RBMS3: variants seen among roughly 807,000 people sequenced by gnomAD.
RBMS3 encodes the protein RNA-binding motif, single-stranded-interacting protein 3.
Under a neutral mutation model 66.8 loss-of-function variants are expected in RBMS3, and 27 were observed. That is an observed-to-expected ratio of 0.40 (90% confidence interval 0.30 to 0.56). The LOEUF is 0.56. RBMS3 is among the 20% of genes least tolerant of loss of function. The pLI, the probability that RBMS3 is intolerant of heterozygous loss-of-function variation, is 0.40. For missense variants in RBMS3, 513 were observed against 549.5 expected (o/e 0.93, Z 0.66); for synonymous variants, 188 against 183.0 (o/e 1.03, Z -0.22).
chr3:29,871,777 T>TA (rs1195250941), intron 7 of RBMS3, among the ~76,000 whole-genome samples: 2 of 152,150 alleles, frequency 1.3e-5, no homozygotes, highest in Non-Finnish European at 1.5e-5. Context: ...AGATTACAAG[T>TA]ATTTTAGAAG....
At chr3:29,537,044 TG>T (rs1317937474) in intron 3 of RBMS3, among the ~76,000 whole-genome samples, 1 of 152,224 alleles carries the variant, frequency 6.6e-6, no homozygotes, top group African/African-American at 2.4e-5. Flanking sequence ...TTTCTTGAAA[TG>T]ATGGAAAATG....
chr3:29,308,146 T>C (rs796270803), intron 1 of RBMS3, among the ~76,000 whole-genome samples: 1 of 151,900 alleles, frequency 6.6e-6, no homozygotes, highest in African/African-American at 2.4e-5. Flanking sequence ...TTGTCAGCAG[T>C]ATGTTTTGCA....
At chr3:29,385,839 C>T (rs1019858150) in intron 1 of RBMS3, among the ~76,000 whole-genome samples, 2 of 152,144 alleles carry the variant, frequency 1.3e-5, no homozygotes, top group African/African-American at 2.4e-5. Flanking sequence ...ACTTTTGGGT[C>T]GTTTGTTCCT....
intron 6 of RBMS3, among the ~76,000 whole-genome samples, chr3:29,805,907 A>G (rs1281588021): frequency 6.6e-6 from 1 of 152,026 alleles, no homozygotes. Flanking sequence ...ACATTCACTC[A>G]CCACGCACTC....
At position 29,514,749 on chromosome 3, in the gene RBMS3, A is replaced by G. The variant is rs192162823; in HGVS notation, c.307+26250A>G. ...ATAAGCATATATATATGATAGGCAT[A>G]TATATATAAGCATATATACGATAGG... On this transcript the variant is annotated intron_variant, in intron 3 of 14. Transcript: ENST00000383767. 4.5e-3 allele frequency among the ~76,000 whole-genome samples: 661 copies of G among 147,672 alleles called. 8 individuals are homozygous for G. Among genetic ancestry groups the G allele is most frequent in the African/African-American group, 0.016 (641 of 39,966 alleles).
chr3:29,774,184 A>G (rs1004664580), intron 6 of RBMS3, among the ~76,000 whole-genome samples: 1 of 152,100 alleles, frequency 6.6e-6, no homozygotes, highest in African/African-American at 2.4e-5. Context: ...GGAGGTTTCA[A>G]AAGTGAATAT....
intron 5 of RBMS3, among the ~76,000 whole-genome samples, chr3:29,760,727 A>C (rs2055642292): frequency 6.6e-6 from 1 of 152,080 alleles, no homozygotes; most frequent in Non-Finnish European, 1.5e-5. Context: ...GGAAACTTGA[A>C]AGAGTTAGGA....
At chr3:29,997,450 G>T (rs903407618) in intron 14 of RBMS3, among the ~76,000 whole-genome samples, 10 of 148,948 alleles carry the variant, frequency 6.7e-5, no homozygotes. Flanking sequence ...CCAAAGCCGG[G>T]CAGAGACACA....
intron 4 of RBMS3, among the ~76,000 whole-genome samples, chr3:29,651,810 A>C (rs2050153814): frequency 6.6e-6 from 1 of 152,182 alleles, no homozygotes; most frequent in Non-Finnish European, 1.5e-5. Context: ...TAGCTTTGCA[A>C]GATCTCATCC....
chr3:29,322,750 A>G (rs1013377940), intron 1 of RBMS3, among the ~76,000 whole-genome samples: 3 of 152,078 alleles, frequency 2.0e-5, no homozygotes, highest in Admixed American at 1.3e-4. Flanking sequence ...CATGGGCTTT[A>G]GAAGGTATTT....
chr3:29,621,247 C>A (rs1448349677), intron 4 of RBMS3, among the ~76,000 whole-genome samples: 1 of 151,408 alleles, frequency 6.6e-6, no homozygotes, highest in Non-Finnish European at 1.5e-5. Context: ...TATTTAAATG[C>A]AACTGATATA....
At chr3:29,778,706 G>T (rs1181821995) in intron 6 of RBMS3, among the ~76,000 whole-genome samples, 1 of 151,678 alleles carries the variant, frequency 6.6e-6, no homozygotes, top group Non-Finnish European at 1.5e-5. Context: ...TAACCCCTTT[G>T]TTCCTCAATT....
intron 3 of RBMS3, among the ~76,000 whole-genome samples, chr3:29,569,506 A>G (rs2149064016): frequency 6.6e-6 from 1 of 152,320 alleles, no homozygotes; most frequent in South Asian, 2.1e-4. Context: ...AACTTTTGAT[A>G]TCCTTTTTGA....
chr3:29,352,380 G>T (rs1413585454), intron 1 of RBMS3, among the ~76,000 whole-genome samples: 2 of 151,784 alleles, frequency 1.3e-5, no homozygotes, highest in South Asian at 4.1e-4. Flanking sequence ...AATATTTTAT[G>T]GTATGTGGTT....
intron 2 of RBMS3, among the ~76,000 whole-genome samples, chr3:29,452,919 ATT>A (rs764326804): frequency 2.0e-5 from 3 of 152,176 alleles, no homozygotes; most frequent in Non-Finnish European, 4.4e-5. Flanking sequence ...TTGAATATAC[ATT>A]TTTCAGGGTC....
intron 1 of RBMS3, among the ~76,000 whole-genome samples, chr3:29,421,551 CAGTT>C: frequency 6.6e-6 from 1 of 152,262 alleles, no homozygotes; most frequent in African/African-American, 2.4e-5. Flanking sequence ...TTTCCACTGA[CAGTT>C]AAATATGTCT....
At chr3:29,308,757 A>AAC (rs1553630891) in intron 1 of RBMS3, among the ~76,000 whole-genome samples, 105 of 6,390 alleles carry the variant, frequency 0.016, no homozygotes, top group Non-Finnish European at 0.045. Flanking sequence ...AAAAAAAAAC[A>AAC]AAAAAAAAAA....
At chr3:29,326,435 A>G (rs1208984326) in intron 1 of RBMS3, among the ~76,000 whole-genome samples, 3 of 152,116 alleles carry the variant, frequency 2.0e-5, no homozygotes, top group Non-Finnish European at 4.4e-5. Context: ...GTTTTACACA[A>G]ATAAGTGTTC....
chr3:29,387,052 C>A (rs1165983868), intron 1 of RBMS3, among the ~76,000 whole-genome samples: 1 of 152,182 alleles, frequency 6.6e-6, no homozygotes, highest in African/African-American at 2.4e-5. Flanking sequence ...AGCTTGATTT[C>A]CCTTATTTCA....
Sources: gnomAD v4.1 joint callset for allele counts (sites outside exome capture counted in the v4.1 genomes callset) on GRCh38, gnomAD v4.1.1 for gene constraint, MANE v1.5 for transcripts, NCBI Gene and HGNC (gene_info 2026-07-23, HGNC 2026-07-21) for gene names.